The following LRRC14 variants were observed in gnomAD, a reference collection of about 807,000 sequenced individuals.
The protein encoded by LRRC14 is leucine rich repeat containing 14.
LRRC14 carries 16 observed loss-of-function variants against 25.3 expected under a neutral mutation model. The observed-to-expected ratio is 0.63, with a 90% CI of 0.43 to 0.96. The LOEUF (loss-of-function observed/expected upper bound fraction) is 0.96. LRRC14 is among the 40% of genes least tolerant of loss of function. The pLI, the probability that LRRC14 is intolerant of heterozygous loss-of-function variation, is 0.00. For missense variants in LRRC14, 594 were observed against 660.5 expected (o/e 0.90, Z 1.10); for synonymous variants, 359 against 295.1 (o/e 1.22, Z -2.22).
In LRRC14 at chr8:144,522,788, G is replaced by A. The variant is rs866841814; in HGVS notation, c.*1310G>A. On this transcript the variant is annotated 3_prime_UTR_variant, in exon 4 of 4. Coordinates refer to ENST00000292524, the MANE Select transcript of LRRC14 (RefSeq NM_014665.4). ...CGCCGTGAGCGCCAGCAGCGCGATGGCCGCCGCAATGGCCGTCTGTGTGGC... is the reference window on the plus strand; with the variant it reads ...CGCCGTGAGCGCCAGCAGCGCGATGACCGCCGCAATGGCCGTCTGTGTGGC... The A allele has an allele frequency of 6.4e-7, 1 of 1,551,656 alleles. No individual in the cohort carries two copies.
rs1209693700 is a variant in LRRC14, at chr8:144,524,786, C to T, written c.*3308C>T. 1.4e-6 allele frequency: 2 copies of T among 1,436,108 alleles called. No individual in the cohort carries two copies. The highest frequency in any genetic ancestry group is 5.3e-5 in the East Asian group (2 of 37,902). The allele number at this position is 1,436,108 out of a possible 1,614,324, so 89.0% of individuals were successfully genotyped here. A position where few individuals can be genotyped will look rare whatever the true frequency, so the allele number is the denominator to read the frequency against. ...GGTCTTCCTCTCCCTGGGGGCACCC[C>T]GTCCTCCCGCAGCTCCACACGGTGC... On this transcript the variant is annotated 3_prime_UTR_variant, in exon 4 of 4. Transcript: ENST00000292524.
At position 144,524,537 on chromosome 8, in the gene LRRC14, G is replaced by A. The variant is rs773366614; in HGVS notation, c.*3059G>A. ...GGGCCAGGCCTACGAAGGCGCCGCT[G>A]CGCAAGCCGCGCAGCCGGTTGCTAG... On this transcript the variant is annotated 3_prime_UTR_variant, in exon 4 of 4. Transcript: ENST00000292524. 3.5e-5 allele frequency: 56 copies of A among 1,581,956 alleles called. No homozygotes were observed. Among genetic ancestry groups the A allele is most frequent in the Middle Eastern group, 1.8e-4 (1 of 5,480 alleles).
rs764259356 is a variant in LRRC14, at chr8:144,522,543, C to A, written c.*1065C>A. On this transcript the variant is annotated 3_prime_UTR_variant, in exon 4 of 4. Coordinates refer to ENST00000292524, the MANE Select transcript of LRRC14 (RefSeq NM_014665.4). ...CCCGGCCCCGCCCCCTGTTCCGGGC[C>A]GCAGTCAGCGGGCGCCTCCGCCGGA... is the stretch of plus-strand genomic sequence containing the variant. 9 of 1,528,426 alleles carry A rather than the reference C, an allele frequency of 5.9e-6. No homozygotes were observed. Among genetic ancestry groups the A allele is most frequent in the African/African-American group, 5.7e-5 (4 of 70,214 alleles). 94.7% of individuals were successfully genotyped at this position (1,528,426 alleles called of 1,614,324 possible).
chr8:144,524,757 C>CG lies in LRRC14; in HGVS notation c.*3284dup. The CG allele has an allele frequency of 7.0e-7, 1 of 1,433,452 alleles. No individual in the cohort carries two copies. Among genetic ancestry groups the CG allele is most frequent in the Non-Finnish European group, 9.1e-7 (1 of 1,099,146 alleles). The allele number at this position is 1,433,452 out of a possible 1,614,324, so 88.8% of individuals were successfully genotyped here. A position where few individuals can be genotyped will look rare whatever the true frequency, so the allele number is the denominator to read the frequency against. On this transcript the variant is annotated 3_prime_UTR_variant, in exon 4 of 4. Transcript: ENST00000292524. ...GAAAGAGGAGGCGCTTACCCCGTTG[C>CG]GGGGGTCTTCCTCTCCCTGGGGGCA...
chr8:144,523,581 G>T lies in LRRC14; in HGVS notation c.*2103G>T. 1 of 1,085,212 alleles carries T rather than the reference G, an allele frequency of 9.2e-7. No homozygotes were observed. The highest frequency in any genetic ancestry group is 1.2e-6 in the Non-Finnish European group (1 of 822,068). 67.2% of individuals were successfully genotyped at this position (1,085,212 alleles called of 1,614,324 possible). A position where few individuals can be genotyped will look rare whatever the true frequency, so the allele number is the denominator to read the frequency against. On this transcript the variant is annotated 3_prime_UTR_variant, in exon 4 of 4. Transcript: ENST00000292524. The stretch of plus-strand genomic sequence containing the variant: ...TGACCCCAAGCTCCTTGGGGCGGCA[G>T]GCCCTTCACCCTCGCCCCCCTCCCC...
chr8:144,519,459 T>C lies in LRRC14; in HGVS notation c.-111-156T>C, dbSNP rs1046705729. On this transcript the variant is annotated intron_variant, in intron 1 of 3. Transcript: ENST00000292524. Reference sequence around the variant, plus strand: ...CGAGTTGTTGACGATGCCACACTGCTTGACGCTTAGTTTCTCTAAAGAGAT... The same window carrying C: ...CGAGTTGTTGACGATGCCACACTGCCTGACGCTTAGTTTCTCTAAAGAGAT... 8 of 566,314 alleles carry C rather than the reference T, an allele frequency of 1.4e-5. No homozygotes were observed. In the African/African-American group the frequency reaches 1.5e-4, roughly 11 times the overall value. 35.1% of individuals were successfully genotyped at this position (566,314 alleles called of 1,614,324 possible). A position where few individuals can be genotyped will look rare whatever the true frequency, so the allele number is the denominator to read the frequency against.
chr8:144,522,742 G>T lies in LRRC14; in HGVS notation c.*1264G>T, dbSNP rs369217339. The T allele has an allele frequency of 1.9e-6, 3 of 1,588,744 alleles. No homozygotes were observed. The highest frequency in any genetic ancestry group is 2.6e-6 in the Non-Finnish European group (3 of 1,169,532). On this transcript the variant is annotated 3_prime_UTR_variant, in exon 4 of 4. Coordinates refer to ENST00000292524, the MANE Select transcript of LRRC14 (RefSeq NM_014665.4). ...TTTTTCGCCTGCGGCGCCGGCGACA[G>T]ATCATGGCGACCAGGAGCAGCGCCG...
rs1816238881 is a variant in LRRC14, at chr8:144,523,961, C to T, written c.*2483C>T. The T allele has an allele frequency of 1.3e-5, 12 of 906,852 alleles. No homozygotes were observed. The South Asian group carries it at 1.8e-4, about 14-fold the overall frequency. The allele number at this position is 906,852 out of a possible 1,614,324, so 56.2% of individuals were successfully genotyped here. ...AGCTGTATTCCCCAGCACACCCACT[C>T]CCGCAGCCCTCCAGTGTGGCTGCAG... On this transcript the variant is annotated 3_prime_UTR_variant, in exon 4 of 4. Coordinates refer to ENST00000292524, the MANE Select transcript of LRRC14 (RefSeq NM_014665.4).
rs771182569 is a variant in LRRC14 at position 144,524,879 on chromosome 8, G to A, written c.*3401G>A. ...ACCGCAGGGCGCCACACTCCACCGTGGCGCTGTAGCAGCGGCAGGCTGCTG... is the reference window on the plus strand; with the variant it reads ...ACCGCAGGGCGCCACACTCCACCGTAGCGCTGTAGCAGCGGCAGGCTGCTG... On this transcript the variant is annotated 3_prime_UTR_variant, in exon 4 of 4. Transcript: ENST00000292524. 1 of 1,513,080 alleles carries A rather than the reference G, an allele frequency of 6.6e-7. No homozygotes were observed. The highest frequency in any genetic ancestry group is 8.8e-7 in the Non-Finnish European group (1 of 1,132,284). 93.7% of individuals were successfully genotyped at this position (1,513,080 alleles called of 1,614,324 possible). A position where few individuals can be genotyped will look rare whatever the true frequency, so the allele number is the denominator to read the frequency against.
rs1360729389 is a variant in LRRC14, at chr8:144,519,790, C to T, written c.65C>T (p.Ala22Val). The T allele has an allele frequency of 5.6e-6, 9 of 1,613,054 alleles. No individual in the cohort carries two copies. The highest frequency in any genetic ancestry group is 6.8e-6 in the Non-Finnish European group (8 of 1,180,028). The change falls in exon 2 of 4, where the codon GCC becomes GTC. Residue 22 changes from alanine to valine, a missense_variant. Ala to Val is a moderately conservative substitution (Grantham distance 64). Transcript: ENST00000292524. ...CAGTGCCAGCCAGCTGCCTGCCAGG[C>T]CCTGCCCTTGCTGCCACGCGAACTC... ...VLQCQPAACQ[A>V]LPLLPRELFP... is the part of the protein sequence containing the mutation.
At position 144,525,156 on chromosome 8, in the gene LRRC14, C is replaced by A. The variant is rs978584202; in HGVS notation, c.*3678C>A. The A allele has an allele frequency of 1.2e-5, 7 of 582,512 alleles. No individual in the cohort carries two copies. The African/African-American group carries it at 1.4e-4, about 11-fold the overall frequency. The allele number at this position is 582,512 out of a possible 1,614,324, so 36.1% of individuals were successfully genotyped here. On this transcript the variant is annotated 3_prime_UTR_variant, in exon 4 of 4. Transcript: ENST00000292524. ...AGGTTCAAGAAACTAATAAAACGTTCTGGTTTTCTCCTTTGACAAAAACAT... is the reference window on the plus strand; with the variant it reads ...AGGTTCAAGAAACTAATAAAACGTTATGGTTTTCTCCTTTGACAAAAACAT...
In LRRC14 at chr8:144,523,089, G is replaced by C. The variant is rs1200481781; in HGVS notation, c.*1611G>C. On this transcript the variant is annotated 3_prime_UTR_variant, in exon 4 of 4. Transcript: ENST00000292524. ...CCCAGGCCCAGCAACCCGCCTTCTA[G>C]CTGGGCCTGGGCTCGCGGCCGGCCC... The C allele has an allele frequency of 1.2e-6, 2 of 1,608,618 alleles. No individual in the cohort carries two copies. The highest frequency in any genetic ancestry group is 1.7e-4 in the Middle Eastern group (1 of 6,048).
rs199669264 is a variant in LRRC14, at chr8:144,521,183, G to T, written c.1187G>T (p.Arg396Leu). The part of the protein sequence containing the change: ...LPILTQCASL[R>L]YLGLYGNPLS... ...ATCCTGACTCAGTGCGCCAGTCTCC[G>T]GTACCTTGGCCTCTATGGCAACCCA... is the stretch of plus-strand genomic sequence containing the variant. Residue 396 changes from arginine (R) to leucine (L), a missense_variant, in exon 4 of 4, where the codon CGG becomes CTG. Arg to Leu is a moderately radical substitution (Grantham distance 102). Coordinates refer to ENST00000292524, the MANE Select transcript of LRRC14 (RefSeq NM_014665.4). 6.2e-7 allele frequency: 1 copy of T among 1,613,074 alleles called. No individual in the cohort carries two copies. Among genetic ancestry groups the T allele is most frequent in the African/African-American group, 1.3e-5 (1 of 74,928 alleles).
intron 1 of LRRC14, 112 bp downstream of exon 1, chr8:144,518,153 C>T (rs1815554680): frequency 6.3e-6 from 1 of 159,704 alleles, no homozygotes; most frequent in Non-Finnish European, 1.4e-5. Context: ...CCGAGGGAGG[C>T]AGTGGCTGCA....
rs200786846 is a variant in LRRC14, at chr8:144,520,575, C to T, written c.667C>T (p.Arg223Cys). 2.1e-5 allele frequency: 33 copies of T among 1,600,298 alleles called. No individual in the cohort carries two copies. The highest frequency in any genetic ancestry group is 5.0e-5 in the Admixed American group (3 of 60,012). Reference sequence around the variant, plus strand: ...GCAGCTTCTGGATGCAGGCTGCCTGCGCCGCGTGGACCTGCGCTTCAACAA... The same window carrying T: ...GCAGCTTCTGGATGCAGGCTGCCTGTGCCGCGTGGACCTGCGCTTCAACAA... ...LLQLLDAGCL[R>C]RVDLRFNNLG... The change falls in exon 3 of 4, where the codon CGC becomes TGC. Residue 223 changes from arginine (R) to cysteine (C), a missense_variant. By Grantham distance (180) the Arg-to-Cys change is radical. Transcript: ENST00000292524.
chr8:144,522,443 C>T lies in LRRC14; in HGVS notation c.*965C>T, dbSNP rs113431579. On this transcript the variant is annotated 3_prime_UTR_variant, in exon 4 of 4. Transcript: ENST00000292524. ...TGCGCGAGGCCGCACCGGCCAATCT[C>T]CGGCGCCCACGTCATCCGCGCGCCC... 2 of 1,391,224 alleles carry T rather than the reference C, an allele frequency of 1.4e-6. No individual in the cohort carries two copies. Among genetic ancestry groups the T allele is most frequent in the African/African-American group, 1.5e-5 (1 of 65,700 alleles). The allele number at this position is 1,391,224 out of a possible 1,614,324, so 86.2% of individuals were successfully genotyped here.
rs1475626029 is a variant in LRRC14 at position 144,522,190 on chromosome 8, C to T, written c.*712C>T. On this transcript the variant is annotated 3_prime_UTR_variant, in exon 4 of 4. Coordinates refer to ENST00000292524, the MANE Select transcript of LRRC14 (RefSeq NM_014665.4). ...GCCAGTCCTTGCTCTTCCCACCTTT[C>T]GGAGGCCCAAGATCCTACTGTGGCC... The T allele has an allele frequency of 5.1e-6, 2 of 395,928 alleles. No individual in the cohort carries two copies. The highest frequency in any genetic ancestry group is 8.9e-6 in the Non-Finnish European group (2 of 225,936). The allele number at this position is 395,928 out of a possible 1,614,324, so 24.5% of individuals were successfully genotyped here.
chr8:144,522,377 T>C lies in LRRC14; in HGVS notation c.*899T>C. The C allele has an allele frequency of 2.2e-6, 3 of 1,357,524 alleles. No homozygotes were observed. The highest frequency in any genetic ancestry group is 2.8e-6 in the Non-Finnish European group (3 of 1,061,104). 84.1% of individuals were successfully genotyped at this position (1,357,524 alleles called of 1,614,324 possible). A position where few individuals can be genotyped will look rare whatever the true frequency, so the allele number is the denominator to read the frequency against. ...TCCCGGCTCGCGCCCCACACACGGC[T>C]CAGCGCACACTGCGCGGCTTCCACC... On this transcript the variant is annotated 3_prime_UTR_variant, in exon 4 of 4. Coordinates refer to ENST00000292524, the MANE Select transcript of LRRC14 (RefSeq NM_014665.4).
At position 144,523,958 on chromosome 8, in the gene LRRC14, A is replaced by G; in HGVS notation, c.*2480A>G. The G allele has an allele frequency of 1.1e-6, 1 of 876,002 alleles. No homozygotes were observed. The highest frequency in any genetic ancestry group is 1.8e-6 in the Non-Finnish European group (1 of 566,570). 54.3% of individuals were successfully genotyped at this position (876,002 alleles called of 1,614,324 possible). A position where few individuals can be genotyped will look rare whatever the true frequency, so the allele number is the denominator to read the frequency against. On this transcript the variant is annotated 3_prime_UTR_variant, in exon 4 of 4. Coordinates refer to ENST00000292524, the MANE Select transcript of LRRC14 (RefSeq NM_014665.4). ...CTGAGCTGTATTCCCCAGCACACCC[A>G]CTCCCGCAGCCCTCCAGTGTGGCTG...
Sources: allele counts gnomAD v4.1 joint callset, GRCh38; gene constraint gnomAD v4.1.1; transcripts MANE v1.5; gene names NCBI Gene and HGNC (gene_info 2026-07-23, HGNC 2026-07-21).